Variants in PRMT8 observed in about 807,000 individuals in gnomAD.
PRMT8 encodes protein arginine N-methyltransferase 8.
A neutral mutation model predicts 47.1 loss-of-function variants in PRMT8; 7 were observed. The observed-to-expected ratio is 0.15, with a 90% CI of 0.08 to 0.28. The LOEUF is 0.28. Ranked by LOEUF, PRMT8 falls within the 10% of genes least tolerant of loss-of-function variation. The pLI, the probability that PRMT8 is intolerant of heterozygous loss-of-function variation, is 1.00. For synonymous variants in PRMT8, 188 were observed against 186.5 expected, an observed-to-expected ratio of 1.01 and a Z score of -0.07; for missense variants, 237 against 505.4, an observed-to-expected ratio of 0.47 and a Z score of 5.09.
intron 6 of PRMT8, chr12:3,574,153 A>C (rs1260674648): frequency 6.6e-6 from 1 of 152,206 alleles, no homozygotes; most frequent in Non-Finnish European, 1.5e-5. Flanking sequence ...AATTCAAAAA[A>C]CATTATCTGT....
At chr12:3,470,990 A>C (rs955028066) in intron 1 of PRMT8, among the ~76,000 whole-genome samples, 3 of 152,132 alleles carry the variant, frequency 2.0e-5, no homozygotes, top group Non-Finnish European at 4.4e-5. Flanking sequence ...TCCTGGGCGG[A>C]AGCTGGGGGT....
chr12:3,589,557 C>A (rs1276740648), intron 8 of PRMT8, among the ~76,000 whole-genome samples: 1 of 152,182 alleles, frequency 6.6e-6, no homozygotes, highest in Non-Finnish European at 1.5e-5. Flanking sequence ...TTACTGACTT[C>A]AAATCTCTTG....
Position 3,462,017 on chromosome 12 carries a change from G to C in PRMT8, c.49-78589G>C, listed in dbSNP as rs537155702. Among the ~76,000 whole-genome samples the C allele has an allele frequency of 2.2e-4, 34 of 152,126 alleles. 1 individual carries two copies. The highest frequency in any genetic ancestry group is 7.7e-4 in the African/African-American group (32 of 41,394). ...CAGGTACAAAGCCTAGTACCCAATA[G>C]AGTTTTTTCCTCCTCTCCCTCCTCC... On this transcript the variant is annotated intron_variant, in intron 1 of 9. Transcript: ENST00000452611.
At chr12:3,457,122 T>C (rs1864982856) in intron 1 of PRMT8, among the ~76,000 whole-genome samples, 1 of 152,164 alleles carries the variant, frequency 6.6e-6, no homozygotes, top group South Asian at 2.1e-4. Context: ...GGGGAGGTGC[T>C]GTTTGGTGTC....
intron 1 of PRMT8, among the ~76,000 whole-genome samples, chr12:3,478,421 C>T (rs1235964508): frequency 6.6e-6 from 1 of 152,174 alleles, no homozygotes; most frequent in Non-Finnish European, 1.5e-5. Context: ...GGCTTGGGCC[C>T]CTCCACCTTC....
intron 9 of PRMT8, among the ~76,000 whole-genome samples, chr12:3,592,793 A>G (rs1198219822): frequency 6.6e-6 from 1 of 152,192 alleles, no homozygotes; most frequent in Non-Finnish European, 1.5e-5. Context: ...ACGTCTGCAG[A>G]GTGCTCTGAA....
At chr12:3,397,006 G>A (rs973588811) in intron 1 of PRMT8, among the ~76,000 whole-genome samples, 21 of 151,840 alleles carry the variant, frequency 1.4e-4, no homozygotes, top group Middle Eastern at 3.4e-3. Context: ...TGATCACACC[G>A]GCTCCTGAGG....
intron 1 of PRMT8, among the ~76,000 whole-genome samples, chr12:3,414,309 T>G (rs1418947290): frequency 6.6e-6 from 1 of 152,214 alleles, no homozygotes. Flanking sequence ...TGACTCCAGA[T>G]GTCTGGGTGT....
At chr12:3,554,391 G>A (rs1473004371) in intron 4 of PRMT8, among the ~76,000 whole-genome samples, 2 of 152,212 alleles carry the variant, frequency 1.3e-5, no homozygotes, top group African/African-American at 4.8e-5. Context: ...ATGCAGTCCC[G>A]AGCCCTGTGC....
intron 2 of PRMT8, among the ~76,000 whole-genome samples, chr12:3,549,603 T>C (rs753563613): frequency 6.6e-6 from 1 of 152,244 alleles, no homozygotes; most frequent in Non-Finnish European, 1.5e-5. Flanking sequence ...CAGAAAGTTC[T>C]GCTTCGTGTT....
At chr12:3,499,118 C>T (rs1370166700) in intron 1 of PRMT8, among the ~76,000 whole-genome samples, 1 of 151,044 alleles carries the variant, frequency 6.6e-6, no homozygotes, top group Non-Finnish European at 1.5e-5. Context: ...TCCAATATGA[C>T]TTCATCTTAA....
At chr12:3,534,538 A>G (rs560582743) in intron 1 of PRMT8, among the ~76,000 whole-genome samples, 1 of 152,302 alleles carries the variant, frequency 6.6e-6, no homozygotes, top group Admixed American at 6.5e-5. Context: ...AGGTGAGCCT[A>G]AACAAATTCC....
At chr12:3,518,938 G>A (rs1446536618) in intron 1 of PRMT8, among the ~76,000 whole-genome samples, 1 of 152,108 alleles carries the variant, frequency 6.6e-6, no homozygotes, top group East Asian at 1.9e-4. Flanking sequence ...AACAAATAAA[G>A]TTTTAAAAAA....
At chr12:3,573,920 A>G (rs182654613) in intron 6 of PRMT8, 1 of 152,074 alleles carries the variant, frequency 6.6e-6, no homozygotes, top group Non-Finnish European at 1.5e-5. Flanking sequence ...TTTGTATCCT[A>G]CTCCATCTCT....
In PRMT8 at chr12:3,522,805, CA is replaced by C. The variant is rs200023215; in HGVS notation, c.76-17792del. On this transcript the variant is annotated intron_variant, in intron 1 of 9. Transcript: ENST00000382622. ...AACAAACAAACAAAAAACAAACAAA[CA>C]AAAAAAAACAGAAAAAAATGAAACA... Among the ~76,000 whole-genome samples, 1,454 of 147,066 alleles carry C rather than the reference CA, an allele frequency of 9.9e-3. 12 individuals are homozygous for C. Among genetic ancestry groups the C allele is most frequent in the East Asian group, 0.056 (283 of 5,054 alleles).
chr12:3,467,101 G>A lies in PRMT8; in HGVS notation c.49-73505G>A, dbSNP rs11062660. ...AAAAATACAAAAAAATTAACCGGGCGTGGTGGCGGGTGCCTGTAGTCCCAG... is the reference window on the plus strand; with the variant it reads ...AAAAATACAAAAAAATTAACCGGGCATGGTGGCGGGTGCCTGTAGTCCCAG... On this transcript the variant is annotated intron_variant, in intron 1 of 9. Transcript: ENST00000452611. 1.1e-3 allele frequency among the ~76,000 whole-genome samples: 162 copies of A among 151,930 alleles called. 3 individuals carry two copies. The East Asian group carries it at 0.019, about 17-fold the overall frequency.
At chr12:3,556,859 A>AGGGGTGGTCTTTGCCTTGCACAGGTGGT (rs1259885746) in intron 4 of PRMT8, among the ~76,000 whole-genome samples, 2 of 151,324 alleles carry the variant, frequency 1.3e-5, no homozygotes, top group Non-Finnish European at 2.9e-5. Context: ...GCACAGGTGG[A>AGGGGTGGTCTTTGCCTTGCACAGGTGGT]GGGGTGGTCT....
chr12:3,535,759 G>A lies in PRMT8; in HGVS notation c.76-4847G>A, dbSNP rs564238424. Among the ~76,000 whole-genome samples the A allele has an allele frequency of 1.0e-3, 159 of 152,324 alleles. No homozygotes were observed. The highest frequency in any genetic ancestry group is 3.6e-3 in the African/African-American group (149 of 41,576). ...GGCACAGGGAGCAAATTGGAGGTGA[G>A]AAAGCTGCAGCCATGAGCAGACCAA... On this transcript the variant is annotated intron_variant, in intron 1 of 9. Coordinates refer to ENST00000382622, the MANE Select transcript of PRMT8 (RefSeq NM_019854.5). This position sits in a 1 kb window ranked among gnomAD's most constrained non-coding sequence, Gnocchi z 4.7.
intron 2 of PRMT8, among the ~76,000 whole-genome samples, chr12:3,543,677 C>T (rs1866273244): frequency 6.6e-6 from 1 of 152,210 alleles, no homozygotes; most frequent in African/African-American, 2.4e-5. Flanking sequence ...GGGGGTGACT[C>T]TGGACACTTC....
Sources: gnomAD v4.1 joint callset for allele counts (sites outside exome capture counted in the v4.1 genomes callset) on GRCh38, gnomAD v4.1.1 for gene constraint, Gnocchi (gnomAD v3.1) non-coding constraint, MANE v1.5 for transcripts, NCBI Gene and HGNC (gene_info 2026-07-23, HGNC 2026-07-21) for gene names.